MTUS2: variants seen among roughly 807,000 people sequenced by gnomAD.
MTUS2 encodes the protein microtubule associated scaffold protein 2.
MTUS2 carries 40 observed loss-of-function variants against 114.1 expected under a neutral mutation model. The ratio of observed to expected loss-of-function variants is 0.35; its 90% CI spans 0.27 to 0.46. The LOEUF is 0.46. Among genes scored for constraint, MTUS2 ranks in the 20% least tolerant of loss-of-function variants. The probability of loss-of-function intolerance (pLI) is 1.00; values close to 1 mark genes in which losing one functional copy is unlikely to be tolerated. For missense variants in MTUS2, 1,679 were observed against 1,705.4 expected, an observed-to-expected ratio of 0.98 and a Z score of 0.27; for synonymous variants, 688 against 672.0, an observed-to-expected ratio of 1.02 and a Z score of -0.37.
chr13:28,899,031 G>T (rs1354062844), intron 2 of MTUS2, among the ~76,000 whole-genome samples: 3 of 152,118 alleles, frequency 2.0e-5, no homozygotes, highest in Non-Finnish European at 4.4e-5. Flanking sequence ...CGCTGGCTTG[G>T]CAAGGAGGAT....
intron 6 of MTUS2, among the ~76,000 whole-genome samples, chr13:29,301,085 C>G (rs1425348326): frequency 6.6e-6 from 1 of 152,132 alleles, no homozygotes; most frequent in Admixed American, 6.5e-5. Flanking sequence ...CACTTTGGGC[C>G]CACACTTTGC....
At chr13:29,497,560 C>T (rs1212091686) in intron 13 of MTUS2, 9 of 570,382 alleles carry the variant, frequency 1.6e-5, no homozygotes, top group Non-Finnish European at 2.5e-5. Flanking sequence ...TTATTTTTGC[C>T]AAATTCCACA....
rs146542326 is a variant in MTUS2 at position 28,959,888 on chromosome 13, C to T, written c.-242-64569C>T. 1.4e-3 allele frequency among the ~76,000 whole-genome samples: 212 copies of T among 152,334 alleles called. 1 individual carries two copies. The highest frequency in any genetic ancestry group is 4.8e-3 in the African/African-American group (200 of 41,572). ...TGTCAGTAATGTGATGGTGCAGCCC[C>T]CTTCCCCATTTCTTCTGCCAGAGCA... On this transcript the variant is annotated intron_variant, in intron 2 of 15. Coordinates refer to ENST00000612955, the MANE Select transcript of MTUS2 (RefSeq NM_001033602.4).
chr13:29,165,831 T>G (rs1893294078), intron 5 of MTUS2, among the ~76,000 whole-genome samples: 1 of 152,162 alleles, frequency 6.6e-6, no homozygotes, highest in East Asian at 1.9e-4. Flanking sequence ...GGGGAATAAT[T>G]AAATGCCATG....
chr13:28,930,081 C>G (rs1881532894), intron 2 of MTUS2, among the ~76,000 whole-genome samples: 2 of 152,012 alleles, frequency 1.3e-5, no homozygotes, highest in South Asian at 4.1e-4. Context: ...TGAGACATCT[C>G]TTTTTTATGT....
rs185328491 is a variant in MTUS2, at chr13:29,503,465, G to A, written c.*259G>A. 11 of 572,936 alleles carry A rather than the reference G, an allele frequency of 1.9e-5. No homozygotes were observed. Among genetic ancestry groups the A allele is most frequent in the South Asian group, 4.3e-5 (2 of 46,960 alleles). 35.5% of individuals were successfully genotyped at this position (572,936 alleles called of 1,614,324 possible). ...GAAAGACACTTGCAATTGTTCTTGAGCAATGAACTTTCACTGCAGAATTTC... is the reference window on the plus strand; with the variant it reads ...GAAAGACACTTGCAATTGTTCTTGAACAATGAACTTTCACTGCAGAATTTC... On this transcript the variant is annotated 3_prime_UTR_variant, in exon 16 of 16. Transcript: ENST00000612955.
chr13:29,234,261 T>C (rs1027905388), intron 5 of MTUS2, among the ~76,000 whole-genome samples: 1 of 152,198 alleles, frequency 6.6e-6, no homozygotes, highest in African/African-American at 2.4e-5. Flanking sequence ...TTCAGTAGTG[T>C]ACAGACAGGC....
At chr13:29,298,006 T>C (rs1013088781) in intron 6 of MTUS2, among the ~76,000 whole-genome samples, 1 of 152,220 alleles carries the variant, frequency 6.6e-6, no homozygotes, top group Non-Finnish European at 1.5e-5. Flanking sequence ...TTTCTGCTGT[T>C]CATATGTCAA....
intron 2 of MTUS2, among the ~76,000 whole-genome samples, chr13:28,846,278 C>T (rs1295365864): frequency 6.6e-6 from 1 of 152,070 alleles, no homozygotes; most frequent in East Asian, 1.9e-4. Context: ...TTTGAGGTCT[C>T]CCAATCCAGG....
chr13:29,162,268 G>A (rs1282152260), intron 5 of MTUS2, among the ~76,000 whole-genome samples: 1 of 152,188 alleles, frequency 6.6e-6, no homozygotes. Context: ...CAGGGTCTGG[G>A]TGAACGTGAA....
At chr13:29,073,534 TG>T (rs1216180204) in intron 4 of MTUS2, among the ~76,000 whole-genome samples, 4 of 54,032 alleles carry the variant, frequency 7.4e-5, no homozygotes, top group African/African-American at 2.5e-4. Flanking sequence ...GAAAGGCGGG[TG>T]TGTGTGTGTG....
At chr13:28,896,746 T>C (rs1008826009) in intron 2 of MTUS2, among the ~76,000 whole-genome samples, 1 of 152,138 alleles carries the variant, frequency 6.6e-6, no homozygotes, top group Non-Finnish European at 1.5e-5. Context: ...GAAATAATGC[T>C]GCATATCTAC....
In MTUS2 at chr13:29,233,768, A is replaced by C. The variant is rs79385840; in HGVS notation, c.2645-47936A>C. Among the ~76,000 whole-genome samples the C allele has an allele frequency of 4.1e-4, 62 of 152,364 alleles. 1 individual carries two copies. The East Asian group carries it at 0.012, about 29-fold the overall frequency. ...TCTAACATATCACCTGGAGATTGAC[A>C]GGAAAGGAAGGAAAACAACTCTTTT... On this transcript the variant is annotated intron_variant, in intron 5 of 15. Transcript: ENST00000612955.
intron 5 of MTUS2, among the ~76,000 whole-genome samples, chr13:29,161,576 ATAAAAT>A (rs1370194896): frequency 6.6e-6 from 1 of 152,232 alleles, no homozygotes; most frequent in Non-Finnish European, 1.5e-5. Context: ...TCCCCGCAAG[ATAAAAT>A]TAATAACTTC....
At chr13:29,159,433 T>A (rs983546511) in intron 5 of MTUS2, among the ~76,000 whole-genome samples, 3 of 152,096 alleles carry the variant, frequency 2.0e-5, no homozygotes, top group African/African-American at 4.8e-5. Context: ...ATCTTCAGGA[T>A]CTAGGACTAA....
rs117278814 is a variant in MTUS2, at chr13:29,492,516, T to G, written c.3506-130T>G. On this transcript the variant is annotated intron_variant, in intron 11 of 15. Coordinates refer to ENST00000612955, the MANE Select transcript of MTUS2 (RefSeq NM_001033602.4). The stretch of plus-strand genomic sequence containing the variant: ...ATTTCAAACCAGTGGAGGAGTCCCC[T>G]TAGGCTTGAATCTGCTATACGGGAG... 8.2e-5 allele frequency: 53 copies of G among 643,856 alleles called. No individual in the cohort carries two copies. In the East Asian group the frequency reaches 1.4e-3, roughly 18 times the overall value. 39.9% of individuals were successfully genotyped at this position (643,856 alleles called of 1,614,324 possible).
chr13:28,957,256 C>T (rs1057442922), intron 2 of MTUS2, among the ~76,000 whole-genome samples: 61 of 152,174 alleles, frequency 4.0e-4, no homozygotes, highest in African/African-American at 1.4e-3. Context: ...CTTTTCCTTA[C>T]ACATAAAAAA....
chr13:29,082,482 C>T (rs1477511286), intron 4 of MTUS2, among the ~76,000 whole-genome samples: 1 of 152,148 alleles, frequency 6.6e-6, no homozygotes, highest in Non-Finnish European at 1.5e-5. Context: ...GCAAGTGGCT[C>T]CTTACATAGC....
At chr13:29,161,333 A>G (rs901908939) in intron 5 of MTUS2, among the ~76,000 whole-genome samples, 1 of 152,096 alleles carries the variant, frequency 6.6e-6, no homozygotes, top group African/African-American at 2.4e-5. Flanking sequence ...TAATTTCTCA[A>G]AATTTCATGT....
Sources: gnomAD v4.1 joint callset for allele counts (sites outside exome capture counted in the v4.1 genomes callset) on GRCh38, gnomAD v4.1.1 for gene constraint, MANE v1.5 for transcripts, NCBI Gene and HGNC (gene_info 2026-07-23, HGNC 2026-07-21) for gene names.